Variants in HECTD4 observed in about 807,000 individuals in gnomAD.
The protein encoded by HECTD4 is probable E3 ubiquitin-protein ligase HECTD4.
In HECTD4, 114 loss-of-function variants were observed where a neutral mutation model predicts 471.5. That is an observed-to-expected ratio of 0.24 (90% CI 0.21 to 0.28). The LOEUF (loss-of-function observed/expected upper bound fraction) is 0.28. HECTD4 is among the 10% of genes least tolerant of loss of function. The pLI is 1.00. For missense variants in HECTD4, 3,866 were observed against 5,651.5 expected, an observed-to-expected ratio of 0.68 and a Z score of 10.13; for synonymous variants, 2,012 against 2,256.0, an observed-to-expected ratio of 0.89 and a Z score of 3.07.
intron 2 of HECTD4, among the ~76,000 whole-genome samples, chr12:112,315,843 C>T (rs1379690587): frequency 7.0e-6 from 1 of 143,176 alleles, no homozygotes; most frequent in Non-Finnish European, 1.5e-5. Flanking sequence ...TTGCAGTGAG[C>T]TATGATCACA....
chr12:112,323,982 C>T (rs1279739781), intron 1 of HECTD4, among the ~76,000 whole-genome samples: 675 of 22,660 alleles, frequency 0.03, 88 homozygotes, highest in African/African-American at 0.19. Context: ...TCCTTCCTTC[C>T]TTCCTTCCTT....
At chr12:112,368,300 T>C (rs1227595774) in intron 1 of HECTD4, among the ~76,000 whole-genome samples, 4 of 152,172 alleles carry the variant, frequency 2.6e-5, no homozygotes, top group African/African-American at 9.7e-5. Context: ...ATGCAAATAT[T>C]CAACATTATT....
In HECTD4 at chr12:112,239,327, C is replaced by G; in HGVS notation, c.5106-91G>C. On this transcript the variant is annotated intron_variant, in intron 33 of 75. Transcript: ENST00000682272. The surrounding 1 kb of genome is among the most constrained non-coding windows in gnomAD (Gnocchi z 4.9). Reference sequence around the variant, plus strand: ...GAGGTTCAAAGGGGCATAAAACATGCTGGTGCAGCTCTTTCCCTACAACTT... The same window carrying G: ...GAGGTTCAAAGGGGCATAAAACATGGTGGTGCAGCTCTTTCCCTACAACTT... The G allele has an allele frequency of 9.1e-7, 1 of 1,097,138 alleles. No individual in the cohort carries two copies. The highest frequency in any genetic ancestry group is 1.3e-6 in the Non-Finnish European group (1 of 782,682). The allele number at this position is 1,097,138 out of a possible 1,614,324, so 68.0% of individuals were successfully genotyped here.
intron 29 of HECTD4, 65 bp from the exon 30 acceptor site, chr12:112,244,074 A>T: frequency 6.6e-7 from 1 of 1,521,152 alleles, no homozygotes; most frequent in South Asian, 1.2e-5. Flanking sequence ...AATGCAACAC[A>T]GAACTACCCA....
rs978673881 is a variant in HECTD4, at chr12:112,319,504, G to A, written c.416C>T (p.Ala139Val). The change falls in exon 2 of 76, where the codon GCG becomes GTG. Residue 139 changes from alanine (A) to valine (V), a missense_variant. Ala to Val is a moderately conservative substitution (Grantham distance 64). Around this residue, in one of 16 missense-constraint regions of HECTD4, gnomAD observed 440 missense variants for 636.0 expected, o/e 0.69. Coordinates refer to ENST00000682272, the MANE Select transcript of HECTD4 (RefSeq NM_001388303.1). This position sits in a 1 kb window ranked among gnomAD's most constrained non-coding sequence, Gnocchi z 5.3. ...GAGCCCCATCCTCGATGTGAAGGGC[G>A]CTTGCTCAGGTTGCTGCAACAAGCC... ...RQGLLQQPEQ[A>V]PFTSRMGLLL... is the part of the protein sequence containing the mutation. 21 of 1,484,202 alleles carry A rather than the reference G, an allele frequency of 1.4e-5. No homozygotes were observed. The highest frequency in any genetic ancestry group is 1.3e-4 in the African/African-American group (9 of 71,428). The allele number at this position is 1,484,202 out of a possible 1,614,324, so 91.9% of individuals were successfully genotyped here.
chr12:112,354,887 A>G (rs1023161411), intron 1 of HECTD4, among the ~76,000 whole-genome samples: 1 of 152,162 alleles, frequency 6.6e-6, no homozygotes, highest in African/African-American at 2.4e-5. Flanking sequence ...TAAAAACTAG[A>G]CTCAAAACAA....
At chr12:112,349,408 A>AAAAG (rs1292676652) in intron 1 of HECTD4, among the ~76,000 whole-genome samples, 2 of 151,102 alleles carry the variant, frequency 1.3e-5, no homozygotes, top group African/African-American at 4.8e-5. Flanking sequence ...AAAAAAAAAA[A>AAAAG]AAAGAAAGAA....
At chr12:112,200,261 C>A (rs2032380081) in intron 55 of HECTD4, among the ~76,000 whole-genome samples, 1 of 151,660 alleles carries the variant, frequency 6.6e-6, no homozygotes, top group Admixed American at 6.6e-5. Flanking sequence ...TCAATAGATT[C>A]TCCTGCCTTA....
At chr12:112,208,373 C>A (rs1292655480) in intron 51 of HECTD4, 121 bp downstream of exon 51, 2 of 1,000,828 alleles carry the variant, frequency 2.0e-6, no homozygotes, top group East Asian at 5.4e-5. Context: ...AATGATGTCA[C>A]TGAGAGTAAC....
intron 1 of HECTD4, among the ~76,000 whole-genome samples, chr12:112,349,388 CAAAAAAAAA>C (rs60480485): frequency 3.7e-5 from 2 of 54,718 alleles, no homozygotes; most frequent in African/African-American, 1.3e-4. Context: ...ACTCTTGCTC[CAAAAAAAAA>C]AAAAAAAAAA....
Position 112,217,158 on chromosome 12 carries a change from G to A in HECTD4, c.7112C>T (p.Pro2371Leu), listed in dbSNP as rs2032940945. 1.3e-6 allele frequency: 2 copies of A among 1,551,360 alleles called. No homozygotes were observed. Among genetic ancestry groups the A allele is most frequent in the South Asian group, 1.2e-5 (1 of 80,726 alleles). ...EITWSPSRVF[P>L]PVRACMFSSH... is the part of the protein sequence containing the mutation. Reference sequence around the variant, plus strand: ...TGAGAACATGCAGGCTCGAACAGGCGGAAACACTCGCGAGGGGCTCCAAGT... The same window carrying A: ...TGAGAACATGCAGGCTCGAACAGGCAGAAACACTCGCGAGGGGCTCCAAGT... Residue 2371 changes from proline (P) to leucine (L), a missense_variant, in exon 46 of 76, where the codon CCG (proline) becomes CTG (leucine). Transcript: ENST00000682272.
Position 112,258,608 on chromosome 12 carries a change from A to C in HECTD4, c.3028-12T>G, listed in dbSNP as rs778035188. 3 of 1,587,012 alleles carry C rather than the reference A, an allele frequency of 1.9e-6. No individual in the cohort carries two copies. In the African/African-American group the frequency reaches 4.1e-5, roughly 22 times the overall value. ...AGCAGCAACGCCGTCTGAAACACAA[A>C]ACCATCATTATGTCTTCCAGGGCTA... On this transcript the variant is annotated splice_polypyrimidine_tract_variant and intron_variant, in intron 19 of 75. Transcript: ENST00000682272.
intron 1 of HECTD4, among the ~76,000 whole-genome samples, chr12:112,380,271 C>G (rs1180643733): frequency 6.6e-6 from 1 of 152,158 alleles, no homozygotes; most frequent in African/African-American, 2.4e-5. Context: ...ATGGTGAAAC[C>G]CTGTCTCTAC....
At chr12:112,320,328 T>A (rs2035558988) in intron 1 of HECTD4, among the ~76,000 whole-genome samples, 1 of 151,868 alleles carries the variant, frequency 6.6e-6, no homozygotes, top group Non-Finnish European at 1.5e-5. Context: ...AGCGAGACCC[T>A]GTCTCAAAAA....
In HECTD4 at chr12:112,184,968, G is replaced by T. The variant is rs770243572; in HGVS notation, c.9998C>A (p.Thr3333Asn). The T allele has an allele frequency of 5.6e-6, 9 of 1,613,378 alleles. No individual in the cohort carries two copies. Among genetic ancestry groups the T allele is most frequent in the African/African-American group, 1.3e-5 (1 of 74,936 alleles). The change falls in exon 61 of 76, where the codon ACC (threonine) becomes AAC (asparagine). Residue 3333 changes from threonine (T) to asparagine (N), a missense_variant. Thr to Asn is a moderately conservative substitution (Grantham distance 65). Coordinates refer to ENST00000682272, the MANE Select transcript of HECTD4 (RefSeq NM_001388303.1). The surrounding 1 kb of genome is among the most constrained non-coding windows in gnomAD (Gnocchi z 9.1). ...GAGCACGGTGGGGTCCGAGTCCACGGTGCGGGAAGACTGGCGCTTGCCCGA... is the reference window on the plus strand; with the variant it reads ...GAGCACGGTGGGGTCCGAGTCCACGTTGCGGGAAGACTGGCGCTTGCCCGA... ...SSSGKRQSSR[T>N]VDSDPTVLSI...
chr12:112,244,751 A>T (rs2033720936), intron 29 of HECTD4, among the ~76,000 whole-genome samples: 1 of 152,164 alleles, frequency 6.6e-6, no homozygotes, highest in African/African-American at 2.4e-5. Flanking sequence ...AGATATATTT[A>T]ACTGATTTAT....
chr12:112,176,702 G>A lies in HECTD4; in HGVS notation c.11364C>T (p.Ser3788=), dbSNP rs1485492939. The A allele has an allele frequency of 6.2e-7, 1 of 1,608,570 alleles. No homozygotes were observed. The highest frequency in any genetic ancestry group is 8.5e-7 in the Non-Finnish European group (1 of 1,174,936). The change falls in exon 65 of 76, where the codon AGC becomes AGT. Residue 3788 remains serine (S), a splice_region_variant and synonymous_variant. Transcript: ENST00000682272. ...AKDKAVLNSV[S]RTALSEKKPT... Reference sequence around the variant, plus strand: ...GCTTCTTCTCACTTAAGGCAGTCCTGCTGTAGACCAAAGCACTGGAATTAG... The same window carrying A: ...GCTTCTTCTCACTTAAGGCAGTCCTACTGTAGACCAAAGCACTGGAATTAG...
intron 1 of HECTD4, among the ~76,000 whole-genome samples, chr12:112,359,779 G>T (rs1685837922): frequency 6.6e-6 from 1 of 151,852 alleles, no homozygotes; most frequent in Non-Finnish European, 1.5e-5. Context: ...GCAGCATGAT[G>T]ATAGCTCACT....
chr12:112,261,314 C>T lies in HECTD4; in HGVS notation c.2864G>A (p.Arg955His), dbSNP rs141477684. The change falls in exon 18 of 76, where the codon CGT (arginine) becomes CAT (histidine). Residue 955 changes from arginine (R) to histidine (H), a missense_variant. Around this residue, in one of 16 missense-constraint regions of HECTD4, gnomAD observed 525 missense variants for 672.6 expected, o/e 0.78. Transcript: ENST00000682272. Reference protein sequence around the residue: ...TALINSDIADREQRLKGLEQV... With the variant: ...TALINSDIADHEQRLKGLEQV... ...ACAATCCATTCCTCACCTCTGCTCA[C>T]GGTCTGCTATGTCACTATTTATGAG... is the stretch of plus-strand genomic sequence containing the variant. 3,097 of 1,595,668 alleles carry T rather than the reference C, an allele frequency of 1.9e-3. 3 individuals carry two copies. The highest frequency in any genetic ancestry group is 2.4e-3 in the Non-Finnish European group (2,773 of 1,165,282).
Sources: gnomAD v4.1 joint callset for allele counts (sites outside exome capture counted in the v4.1 genomes callset) on GRCh38, gnomAD v4.1.1 for gene constraint, gnomAD v4.1.1 regional missense constraint, Gnocchi (gnomAD v3.1) non-coding constraint, MANE v1.5 for transcripts, NCBI Gene and HGNC (gene_info 2026-07-23, HGNC 2026-07-21) for gene names.